The following PRIM2 variants were observed in gnomAD, a reference collection of about 807,000 sequenced individuals.
The protein encoded by PRIM2 is DNA primase subunit 2.
A neutral mutation model predicts 67.3 loss-of-function variants in PRIM2; 39 were observed. The ratio of observed to expected loss-of-function variants is 0.58; its 90% CI spans 0.45 to 0.76. The LOEUF (loss-of-function observed/expected upper bound fraction) is 0.76. Among genes scored for constraint, PRIM2 ranks in the 30% least tolerant of loss-of-function variants. PRIM2 has a pLI of 0.00. For missense variants in PRIM2, 398 were observed against 598.7 expected (o/e 0.66, Z 3.50); for synonymous variants, 143 against 198.7 (o/e 0.72, Z 2.36).
At chr6:57,396,675 A>AC (rs1339971383) in intron 7 of PRIM2, among the ~76,000 whole-genome samples, 1 of 152,054 alleles carries the variant, frequency 6.6e-6, no homozygotes, top group Non-Finnish European at 1.5e-5. Flanking sequence ...GATGTGAGGT[A>AC]CCGTTCCATT....
intron 5 of PRIM2, among the ~76,000 whole-genome samples, chr6:57,353,289 T>C (rs1768915582): frequency 6.6e-6 from 1 of 152,158 alleles, no homozygotes; most frequent in African/African-American, 2.4e-5. Context: ...ATTTTGGAAC[T>C]GTTTGGTTGA....
chr6:57,455,192 T>A (rs1317424467), intron 7 of PRIM2, among the ~76,000 whole-genome samples: 3 of 152,048 alleles, frequency 2.0e-5, no homozygotes, highest in East Asian at 1.9e-4. Flanking sequence ...TGCTGAGGAG[T>A]GCTTTACTTC....
intron 13 of PRIM2, among the ~76,000 whole-genome samples, chr6:57,642,435 C>CTTTTTTTTTTTTTTTTTTTTTT (rs1156576933): frequency 3.6e-5 from 3 of 83,184 alleles, no homozygotes; most frequent in Non-Finnish European, 4.2e-5. Flanking sequence ...AATATTATAT[C>CTTTTTTTTTTTTTTTTTTTTTT]TTTTTTTTTT....
chr6:57,333,890 A>G (rs1768137252), intron 5 of PRIM2, among the ~76,000 whole-genome samples: 1 of 152,220 alleles, frequency 6.6e-6, no homozygotes, highest in Non-Finnish European at 1.5e-5. Flanking sequence ...AATGTATTAC[A>G]TCAACAGTTA....
the PRIM2 span, among the ~76,000 whole-genome samples, chr6:57,258,579 C>G: frequency 6.8e-6 from 1 of 147,830 alleles, no homozygotes. Context: ...CCCCAGCCCC[C>G]ACCCCAACCC....
intron 7 of PRIM2, among the ~76,000 whole-genome samples, chr6:57,485,248 A>G (rs1489737856): frequency 1.3e-5 from 2 of 151,956 alleles, no homozygotes; most frequent in Non-Finnish European, 2.9e-5. Flanking sequence ...AATTGAACTT[A>G]ACCCAAATTG....
the PRIM2 span, among the ~76,000 whole-genome samples, chr6:57,249,775 C>T: frequency 3.3e-5 from 5 of 152,010 alleles, no homozygotes; most frequent in Non-Finnish European, 7.4e-5. Flanking sequence ...AATACCTATG[C>T]TAACGTGCTG....
intron 7 of PRIM2, among the ~76,000 whole-genome samples, chr6:57,387,634 G>A (rs1770194481): frequency 6.6e-6 from 1 of 152,198 alleles, no homozygotes; most frequent in Non-Finnish European, 1.5e-5. Context: ...CAGTCACAGA[G>A]CAGGCCCAAG....
the PRIM2 span, among the ~76,000 whole-genome samples, chr6:57,224,265 A>G: frequency 1.3e-5 from 2 of 152,206 alleles, no homozygotes; most frequent in Non-Finnish European, 2.9e-5. Flanking sequence ...TGTCTCAAAA[A>G]TAAAAGAGAG....
At chr6:57,446,280 G>GTT (rs1184600298) in intron 7 of PRIM2, among the ~76,000 whole-genome samples, 15 of 107,828 alleles carry the variant, frequency 1.4e-4, no homozygotes, top group African/African-American at 4.3e-4. Flanking sequence ...ATGAGTAACT[G>GTT]TTTTTTTTGT....
the PRIM2 span, among the ~76,000 whole-genome samples, chr6:57,294,512 A>T: frequency 6.6e-6 from 1 of 151,974 alleles, no homozygotes; most frequent in Non-Finnish European, 1.5e-5. Flanking sequence ...AACCAAACCA[A>T]AACAGAACAA....
intron 10 of PRIM2, among the ~76,000 whole-genome samples, chr6:57,598,235 C>T (rs1200049138): frequency 7.2e-5 from 11 of 152,156 alleles, no homozygotes; most frequent in African/African-American, 1.4e-4. Context: ...GAGAGATCAC[C>T]GAGTGGTAGT....
chr6:57,470,599 C>T (rs1363809071), intron 7 of PRIM2, among the ~76,000 whole-genome samples: 2 of 151,064 alleles, frequency 1.3e-5, no homozygotes, highest in African/African-American at 4.9e-5. Flanking sequence ...TTGAGAAACC[C>T]CAAATCCCAA....
the PRIM2 span, among the ~76,000 whole-genome samples, chr6:57,229,439 A>G: frequency 1.3e-5 from 2 of 151,806 alleles, no homozygotes; most frequent in African/African-American, 4.8e-5. Flanking sequence ...AAATTATTGT[A>G]TTCATTAGGC....
chr6:57,344,687 A>C (rs1277985788), intron 5 of PRIM2, among the ~76,000 whole-genome samples: 1 of 152,206 alleles, frequency 6.6e-6, no homozygotes, highest in East Asian at 1.9e-4. Context: ...GATACATTTT[A>C]TATTTGGAGA....
intron 5 of PRIM2, among the ~76,000 whole-genome samples, chr6:57,370,696 T>TG (rs1769521068): frequency 6.8e-6 from 1 of 148,090 alleles, no homozygotes; most frequent in Non-Finnish European, 1.5e-5. Flanking sequence ...TCTATAGCTT[T>TG]TTTTTTTTTT....
At chr6:57,459,505 T>TCA (rs1772925879) in intron 7 of PRIM2, among the ~76,000 whole-genome samples, 1 of 152,188 alleles carries the variant, frequency 6.6e-6, no homozygotes, top group Admixed American at 6.5e-5. Flanking sequence ...CAGGTTCCTG[T>TCA]ACAGTGATAA....
chr6:57,469,808 A>G (rs1432370627), intron 7 of PRIM2, among the ~76,000 whole-genome samples: 7,210 of 152,252 alleles, frequency 0.047, 317 homozygotes, highest in African/African-American at 0.11. Flanking sequence ...TAATTTATTA[A>G]TACAGATGTA....
At chr6:57,268,380 A>G in the PRIM2 span, among the ~76,000 whole-genome samples, 1 of 152,202 alleles carries the variant, frequency 6.6e-6, no homozygotes, top group Admixed American at 6.6e-5. Context: ...CTCAAGATGT[A>G]AAGACTTCAT....
Sources: allele counts gnomAD v4.1 joint callset (sites outside exome capture counted in the v4.1 genomes callset), GRCh38; gene constraint gnomAD v4.1.1; transcripts MANE v1.5; gene names NCBI Gene and HGNC (gene_info 2026-07-23, HGNC 2026-07-21).